The following EHMT1 variants were observed in gnomAD, a reference collection of about 807,000 sequenced individuals.
The protein encoded by EHMT1 is euchromatic histone lysine methyltransferase 1, also known as histone-lysine N-methyltransferase EHMT1.
A neutral mutation model predicts 147.2 loss-of-function variants in EHMT1; 15 were observed. The observed-to-expected ratio is 0.10, with a 90% confidence interval of 0.07 to 0.16. The LOEUF (loss-of-function observed/expected upper bound fraction) is 0.16, where lower values mean the gene tolerates loss of function less well. Among genes scored for constraint, EHMT1 ranks in the 10% least tolerant of loss-of-function variants. The pLI, the probability that EHMT1 is intolerant of heterozygous loss-of-function variation, is 1.00. For missense variants in EHMT1, 1,587 were observed against 1,772.4 expected (o/e 0.90, Z 1.88); for synonymous variants, 795 against 709.6 (o/e 1.12, Z -1.91).
At chr9:137,740,581 C>T (rs1005313031) in intron 4 of EHMT1, among the ~76,000 whole-genome samples, 1 of 152,360 alleles carries the variant, frequency 6.6e-6, no homozygotes, top group Non-Finnish European at 1.5e-5. Flanking sequence ...GAAGCGGCTC[C>T]TCTTCACACT....
At chr9:137,719,382 T>G (rs1049603841) in intron 3 of EHMT1, among the ~76,000 whole-genome samples, 28 of 151,878 alleles carry the variant, frequency 1.8e-4, no homozygotes, top group Admixed American at 1.8e-3. Context: ...GGGTGGTGGG[T>G]GCGTTGTGGG....
At chr9:137,673,537 C>T (rs962305085) in intron 1 of EHMT1, among the ~76,000 whole-genome samples, 4 of 152,104 alleles carry the variant, frequency 2.6e-5, no homozygotes, top group African/African-American at 9.7e-5. Flanking sequence ...GCTCCGGCCT[C>T]GAGGATGTGC....
intron 19 of EHMT1, among the ~76,000 whole-genome samples, chr9:137,812,502 C>G (rs1295615674): frequency 6.6e-6 from 1 of 152,228 alleles, no homozygotes. Context: ...CTCCCTGGCC[C>G]CTACACATGG....
At chr9:137,721,567 C>A (rs1372812728) in intron 3 of EHMT1, among the ~76,000 whole-genome samples, 1 of 133,196 alleles carries the variant, frequency 7.5e-6, no homozygotes, top group East Asian at 2.3e-4. Context: ...CCACGCCTCT[C>A]ATCCTCTCCC....
chr9:137,776,334 T>C lies in EHMT1; in HGVS notation c.1792-284T>C, dbSNP rs1950955717. Among the ~76,000 whole-genome samples, 1 of 152,138 alleles carries C rather than the reference T, an allele frequency of 6.6e-6. No individual in the cohort carries two copies. The highest frequency in any genetic ancestry group is 6.5e-5 in the Admixed American group (1 of 15,282). ...GGCCTTCTGGGTCCTTCTTTAGGCC[T>C]TCTCTTTGCGGGCAGCCTCAGCTTT... is the stretch of plus-strand genomic sequence containing the variant. On this transcript the variant is annotated intron_variant, in intron 11 of 26. Coordinates refer to ENST00000460843, the MANE Select transcript of EHMT1 (RefSeq NM_024757.5). The surrounding 1 kb of genome is among the most constrained non-coding windows in gnomAD (Gnocchi z 4.4).
At chr9:137,766,426 C>T (rs777474856) in intron 10 of EHMT1, among the ~76,000 whole-genome samples, 1 of 152,148 alleles carries the variant, frequency 6.6e-6, no homozygotes, top group Non-Finnish European at 1.5e-5. Context: ...ACCATCGTGG[C>T]CAACATGGGG....
In EHMT1 at chr9:137,716,874, G is replaced by T; in HGVS notation, c.334G>T (p.Asp112Tyr). ...GGCGAAGCAAAACCACGTCACTGCC[G>T]ACGACTTTGTGCAGACTTCTGTCAT... ...EAAKQNHVTADDFVQTSVIGS... is the reference protein window; with the variant it reads ...EAAKQNHVTAYDFVQTSVIGS... The change falls in exon 3 of 27, where the codon GAC becomes TAC. Residue 112 changes from aspartate (D) to tyrosine (Y), a missense_variant. Physicochemically the swap from Asp to Tyr is radical, Grantham distance 160. Around this residue, in one of 7 missense-constraint regions of EHMT1, gnomAD observed 810 missense variants for 673.0 expected, o/e 1.20. Coordinates refer to ENST00000460843, the MANE Select transcript of EHMT1 (RefSeq NM_024757.5). 1 of 1,613,264 alleles carries T rather than the reference G, an allele frequency of 6.2e-7. No homozygotes were observed. The highest frequency in any genetic ancestry group is 1.7e-5 in the Admixed American group (1 of 60,004).
chr9:137,797,699 G>A (rs1184862578), intron 16 of EHMT1, among the ~76,000 whole-genome samples: 1 of 152,146 alleles, frequency 6.6e-6, no homozygotes, highest in Non-Finnish European at 1.5e-5. Context: ...TGCTGATTTA[G>A]CCCCAGGTAG....
intron 16 of EHMT1, among the ~76,000 whole-genome samples, chr9:137,793,529 A>G (rs566332020): frequency 3.3e-5 from 5 of 152,306 alleles, no homozygotes; most frequent in African/African-American, 1.2e-4. Flanking sequence ...ATCTGTAGCA[A>G]CTCCACTCCT....
intron 8 of EHMT1, 77 bp from the exon 9 acceptor site, chr9:137,757,803 C>T (rs1315302887): frequency 1.7e-5 from 28 of 1,606,126 alleles, no homozygotes; most frequent in Middle Eastern, 2.0e-4. Context: ...GGGGCCCCAG[C>T]CTTGCTGCCC....
chr9:137,626,495 C>A (rs1843266408), intron 1 of EHMT1, among the ~76,000 whole-genome samples: 2 of 149,726 alleles, frequency 1.3e-5, no homozygotes, highest in South Asian at 4.2e-4. Context: ...TGCACTCCAG[C>A]CTGGGTGACA....
chr9:137,761,103 G>A (rs959514193), intron 9 of EHMT1, among the ~76,000 whole-genome samples: 3 of 152,234 alleles, frequency 2.0e-5, no homozygotes, highest in Non-Finnish European at 4.4e-5. Context: ...CCAGAAGCAC[G>A]TTGGGAGCTG....
rs115812508 is a variant in EHMT1 at position 137,731,392 on chromosome 9, A to G, written c.823+2863A>G. Among the ~76,000 whole-genome samples the G allele has an allele frequency of 9.0e-3, 1,369 of 152,270 alleles. 25 individuals are homozygous for G. The highest frequency in any genetic ancestry group is 0.031 in the African/African-American group (1,271 of 41,556). The stretch of plus-strand genomic sequence containing the variant: ...CTGTGCTAGAACGTGTTAACTAGAG[A>G]GGAGCATGGCATGCCCAGCTGCCTT... On this transcript the variant is annotated intron_variant, in intron 4 of 26. Coordinates refer to ENST00000460843, the MANE Select transcript of EHMT1 (RefSeq NM_024757.5). This position sits in a 1 kb window ranked among gnomAD's most constrained non-coding sequence, Gnocchi z 4.3.
intron 1 of EHMT1, among the ~76,000 whole-genome samples, chr9:137,646,863 C>T (rs898711483): frequency 2.0e-5 from 3 of 152,100 alleles, no homozygotes; most frequent in Admixed American, 6.6e-5. Flanking sequence ...CTCAGGTTTC[C>T]TTCTGCCTGT....
intron 25 of EHMT1, among the ~76,000 whole-genome samples, chr9:137,827,755 G>A (rs1000533271): frequency 1.2e-4 from 7 of 58,442 alleles, no homozygotes; most frequent in Admixed American, 1.0e-3. Context: ...CTGCCCACCC[G>A]CCCTCCCGGT....
intron 2 of EHMT1, among the ~76,000 whole-genome samples, chr9:137,713,967 A>T (rs1057005123): frequency 2.0e-5 from 3 of 151,982 alleles, no homozygotes; most frequent in African/African-American, 4.8e-5. Flanking sequence ...AAAAAAAGTT[A>T]AAAAAAATTG....
intron 1 of EHMT1, among the ~76,000 whole-genome samples, chr9:137,659,749 G>A (rs917546279): frequency 9.9e-5 from 15 of 151,266 alleles, no homozygotes; most frequent in African/African-American, 3.6e-4. Context: ...GCTAATTTTT[G>A]TATTTTTTGC....
At chr9:137,710,882 T>G (rs7039441) in intron 1 of EHMT1, 85 bp from the exon 2 acceptor site, 10 of 1,478,358 alleles carry the variant, frequency 6.8e-6, no homozygotes, top group Middle Eastern at 1.7e-4. Flanking sequence ...GTAACTACGA[T>G]TTTTTGACTT....
At chr9:137,778,231 G>A (rs941294930) in intron 13 of EHMT1, among the ~76,000 whole-genome samples, 176 bp downstream of exon 13, 2 of 152,196 alleles carry the variant, frequency 1.3e-5, no homozygotes, top group African/African-American at 4.8e-5. Flanking sequence ...ACTGTCCTCT[G>A]CATTATAGTA....
Sources: gnomAD v4.1 joint callset for allele counts (sites outside exome capture counted in the v4.1 genomes callset) on GRCh38, gnomAD v4.1.1 for gene constraint, gnomAD v4.1.1 regional missense constraint, Gnocchi (gnomAD v3.1) non-coding constraint, MANE v1.5 for transcripts, NCBI Gene and HGNC (gene_info 2026-07-23, HGNC 2026-07-21) for gene names.